Variants in GMPS observed in about 807,000 individuals in gnomAD.
GMPS encodes GMP synthase [glutamine-hydrolyzing].
In GMPS, 15 loss-of-function variants were observed where a neutral mutation model predicts 77.9. The observed-to-expected ratio is 0.19, with a 90% CI of 0.13 to 0.30. GMPS has a LOEUF of 0.30. GMPS is among the 10% of genes least tolerant of loss of function. The probability of loss-of-function intolerance (pLI) is 1.00; values close to 1 mark genes in which losing one functional copy is unlikely to be tolerated. For missense variants in GMPS, 590 were observed against 838.8 expected (o/e 0.70, Z 3.66); for synonymous variants, 224 against 275.9 (o/e 0.81, Z 1.86).
At chr3:155,877,958 G>T (rs1324556583) in intron 1 of GMPS, among the ~76,000 whole-genome samples, 1 of 152,022 alleles carries the variant, frequency 6.6e-6, no homozygotes, top group Non-Finnish European at 1.5e-5. Flanking sequence ...ATTTTTAGTA[G>T]CAACGGGGTT....
chr3:155,899,474 G>A (rs1378275797), intron 3 of GMPS, among the ~76,000 whole-genome samples: 2 of 150,100 alleles, frequency 1.3e-5, no homozygotes, highest in African/African-American at 4.9e-5. Context: ...GGGGTTTTAG[G>A]TTCACAGCAA....
At position 155,940,902 on chromosome 3, in the gene GMPS, A is replaced by G; in HGVS notation, c.*3210A>G. ...TGCTGTGAGATGACACTTGAAAAACACCCATCAAAGTTTTCCTGGTAGGAA... is the reference window on the plus strand; with the variant it reads ...TGCTGTGAGATGACACTTGAAAAACGCCCATCAAAGTTTTCCTGGTAGGAA... On this transcript the variant is annotated 3_prime_UTR_variant, in exon 16 of 16. Transcript: ENST00000496455. 1 of 215,586 alleles carries G rather than the reference A, an allele frequency of 4.6e-6. No homozygotes were observed. Among genetic ancestry groups the G allele is most frequent in the East Asian group, 6.9e-5 (1 of 14,494 alleles). 13.4% of individuals were successfully genotyped at this position (215,586 alleles called of 1,614,324 possible).
chr3:155,935,051 G>C lies in GMPS; in HGVS notation c.1807+5G>C, dbSNP rs1755728737. 1 of 1,605,992 alleles carries C rather than the reference G, an allele frequency of 6.2e-7. No homozygotes were observed. Among genetic ancestry groups the C allele is most frequent in the African/African-American group, 1.3e-5 (1 of 74,756 alleles). Reference sequence around the variant, plus strand: ...ATAACATTCTCAGGGAGTCTGGTAAGTTGCTCATGTTTTTGATTACTACCC... The same window carrying C: ...ATAACATTCTCAGGGAGTCTGGTAACTTGCTCATGTTTTTGATTACTACCC... On this transcript the variant is annotated splice_donor_5th_base_variant and intron_variant, in intron 14 of 15. Transcript: ENST00000496455.
At chr3:155,884,806 C>T (rs1009004722) in intron 1 of GMPS, among the ~76,000 whole-genome samples, 14 of 152,170 alleles carry the variant, frequency 9.2e-5, no homozygotes, top group African/African-American at 3.4e-4. Context: ...TTCTGGCTGT[C>T]TTTAGGTGGG....
At chr3:155,873,960 T>C (rs1753967513) in intron 1 of GMPS, among the ~76,000 whole-genome samples, 1 of 152,136 alleles carries the variant, frequency 6.6e-6, no homozygotes, top group African/African-American at 2.4e-5. Context: ...AGTGGTGATT[T>C]GTGAGATTTT....
At chr3:155,901,039 C>T (rs1404107446) in intron 3 of GMPS, among the ~76,000 whole-genome samples, 1 of 152,140 alleles carries the variant, frequency 6.6e-6, no homozygotes, top group East Asian at 1.9e-4. Context: ...AGAAAAATGT[C>T]TATACTGCTC....
intron 1 of GMPS, among the ~76,000 whole-genome samples, chr3:155,883,174 C>A (rs1208634036): frequency 6.6e-6 from 1 of 152,116 alleles, no homozygotes; most frequent in Non-Finnish European, 1.5e-5. Flanking sequence ...TAGGTTCAAG[C>A]CATTCTCATG....
chr3:155,915,875 T>C (rs1755164428), intron 8 of GMPS, 144 bp from the exon 9 acceptor site: 1 of 621,362 alleles, frequency 1.6e-6, no homozygotes, highest in Non-Finnish European at 2.8e-6. Context: ...ACATGTTCAT[T>C]AAGGAGTTTA....
chr3:155,873,652 T>TTTTTTTTTTTTG (rs1560032835), intron 1 of GMPS, among the ~76,000 whole-genome samples: 1 of 143,572 alleles, frequency 7.0e-6, no homozygotes, highest in Non-Finnish European at 1.5e-5. Context: ...TTTTTTTTTT[T>TTTTTTTTTTTTG]GAGATGGAGT....
chr3:155,914,247 A>G (rs780569850), intron 7 of GMPS, among the ~76,000 whole-genome samples, 172 bp from the exon 8 acceptor site: 12 of 152,146 alleles, frequency 7.9e-5, no homozygotes, highest in Admixed American at 5.9e-4. Flanking sequence ...GGCCCGGCCA[A>G]TAATTCTTGA....
intron 1 of GMPS, among the ~76,000 whole-genome samples, chr3:155,877,646 C>T (rs1754083853): frequency 6.6e-6 from 1 of 152,062 alleles, no homozygotes; most frequent in Non-Finnish European, 1.5e-5. Flanking sequence ...AAACAAAATA[C>T]CAGAAACTGA....
rs1264065849 is a variant in GMPS, at chr3:155,942,418, A to G, written c.*4726A>G. The G allele has an allele frequency of 4.6e-6, 1 of 217,616 alleles. No homozygotes were observed. 13.5% of individuals were successfully genotyped at this position (217,616 alleles called of 1,614,324 possible). On this transcript the variant is annotated 3_prime_UTR_variant, in exon 16 of 16. Coordinates refer to ENST00000496455, the MANE Select transcript of GMPS (RefSeq NM_003875.3). The stretch of plus-strand genomic sequence containing the variant: ...TTACAGTTTTAAATCTCCCAGTCAG[A>G]ATAAATTCTTATTGAGGGCCATACC...
At position 155,893,600 on chromosome 3, in the gene GMPS, A is replaced by C; in HGVS notation, c.110A>C (p.Tyr37Ser). 1 of 1,612,742 alleles carries C rather than the reference A, an allele frequency of 6.2e-7. No individual in the cohort carries two copies. Among genetic ancestry groups the C allele is most frequent in the South Asian group, 1.1e-5 (1 of 91,056 alleles). Residue 37 changes from tyrosine to serine, a missense_variant, in exon 2 of 16, where the codon TAC becomes TCC. Around this residue, in one of 6 missense-constraint regions of GMPS, gnomAD observed 47 missense variants for 45.5 expected, o/e 1.03. Transcript: ENST00000496455. ...GTCATTCTGGATGCTGGTGCTCAGT[A>C]CGGGAAAGTCATAGACCGAAGAGTG... ...AVVILDAGAQYGKVIDRRVRE... is the reference protein window; with the variant it reads ...AVVILDAGAQSGKVIDRRVRE...
intron 5 of GMPS, 62 bp downstream of exon 5, chr3:155,906,325 T>C: frequency 2.3e-6 from 2 of 870,190 alleles, no homozygotes; most frequent in South Asian, 1.5e-5. Context: ...AGTAAGCATA[T>C]GCTTCTGTAT....
At chr3:155,936,171 T>A (rs974341342) in intron 14 of GMPS, among the ~76,000 whole-genome samples, 167 bp from the exon 15 acceptor site, 1 of 152,206 alleles carries the variant, frequency 6.6e-6, no homozygotes, top group Non-Finnish European at 1.5e-5. Context: ...TGTGATTAAG[T>A]CCATTTAAAA....
chr3:155,900,092 G>T (rs1258653163), intron 3 of GMPS, among the ~76,000 whole-genome samples: 2 of 152,132 alleles, frequency 1.3e-5, no homozygotes, highest in African/African-American at 4.8e-5. Context: ...ACAGGTTTTT[G>T]TGTGGACATA....
intron 5 of GMPS, among the ~76,000 whole-genome samples, chr3:155,910,123 G>A (rs1754999136): frequency 6.6e-6 from 1 of 152,088 alleles, no homozygotes; most frequent in Admixed American, 6.6e-5. Flanking sequence ...GCACACACCT[G>A]TTGTTCCAGC....
At chr3:155,870,324 G>A (rs577469521), upstream of GMPS, among the ~76,000 whole-genome samples, 1 of 152,356 alleles carries the variant, frequency 6.6e-6, no homozygotes, top group Non-Finnish European at 1.5e-5. Flanking sequence ...TCCGGCAGCA[G>A]CAAACTAGCT....
intron 3 of GMPS, among the ~76,000 whole-genome samples, chr3:155,899,978 C>G (rs1314221810): frequency 6.6e-6 from 1 of 152,146 alleles, no homozygotes; most frequent in Non-Finnish European, 1.5e-5. Context: ...TATCACAGTT[C>G]ATTCACTCAT....
Sources: gnomAD v4.1 joint callset for allele counts (sites outside exome capture counted in the v4.1 genomes callset) on GRCh38, gnomAD v4.1.1 for gene constraint, gnomAD v4.1.1 regional missense constraint, MANE v1.5 for transcripts, NCBI Gene and HGNC (gene_info 2026-07-23, HGNC 2026-07-21) for gene names.